LRRK2: variants seen among roughly 807,000 people sequenced by gnomAD.
LRRK2 encodes the protein leucine-rich repeat serine/threonine-protein kinase 2.
LRRK2 carries 203 observed loss-of-function variants against 302.6 expected under a neutral mutation model. The observed-to-expected ratio is 0.67, with a 90% CI of 0.60 to 0.75. The LOEUF (loss-of-function observed/expected upper bound fraction) is 0.75, where lower values mean the gene tolerates loss of function less well. Ranked by LOEUF, LRRK2 falls within the 30% of genes least tolerant of loss-of-function variation. The pLI, the probability that LRRK2 is intolerant of heterozygous loss-of-function variation, is 0.00. For missense variants in LRRK2, 2,830 were observed against 2,951.0 expected (o/e 0.96, Z 0.95); for synonymous variants, 1,066 against 1,031.9 (o/e 1.03, Z -0.63).
Position 40,367,753 on chromosome 12 carries a change from A to T in LRRK2, c.7572A>T (p.Thr2524=). 1 of 1,605,508 alleles carries T rather than the reference A, an allele frequency of 6.2e-7. No homozygotes were observed. The highest frequency in any genetic ancestry group is 1.3e-5 in the African/African-American group (1 of 74,722). ...RKELAEKMRR[T]SVE is the part of the protein sequence containing the mutation. ...AATTAGCTGAAAAAATGAGACGAAC[A>T]TCTGTTGAGTAAGAGAGAAATAGGA... The change falls in exon 51 of 51, where the codon ACA becomes ACT. Residue 2524 remains threonine (T), a synonymous_variant. Transcript: ENST00000298910.
chr12:40,337,053 G>A (rs1312174159), intron 40 of LRRK2, among the ~76,000 whole-genome samples: 2 of 152,120 alleles, frequency 1.3e-5, no homozygotes, highest in Admixed American at 1.3e-4. Context: ...AAAATAATTT[G>A]CCTAATTTGT....
Position 40,305,767 on chromosome 12 carries a change from C to G in LRRK2, c.3778-18C>G. 6.2e-7 allele frequency: 1 copy of G among 1,610,816 alleles called. No homozygotes were observed. Among genetic ancestry groups the G allele is most frequent in the Non-Finnish European group, 8.5e-7 (1 of 1,178,112 alleles). The stretch of plus-strand genomic sequence containing the variant: ...TTCCTTCCCACCAACAGGTTTTGCC[C>G]TTTTTTTTCCCATTAAGATTCCTCC... On this transcript the variant is annotated intron_variant, in intron 27 of 50. Coordinates refer to ENST00000298910, the MANE Select transcript of LRRK2 (RefSeq NM_198578.4).
At chr12:40,241,436 G>A (rs1037109828) in intron 6 of LRRK2, among the ~76,000 whole-genome samples, 7 of 143,468 alleles carry the variant, frequency 4.9e-5, no homozygotes, top group African/African-American at 1.7e-4. Context: ...ATTGCTATTA[G>A]GCTAAAATAA....
Position 40,235,794 on chromosome 12 carries a change from T to TC in LRRK2, c.436+80_436+81insC, listed in dbSNP as rs377568728. On this transcript the variant is annotated intron_variant, in intron 4 of 50. Transcript: ENST00000298910. ...CATTAAGTAAATGTGTGTGTGTGTG[T>TC]TTTTTTTTTTTTTTTTTTGAAGATC... The TC allele has an allele frequency of 3.6e-5, 8 of 220,468 alleles. No homozygotes were observed. In the South Asian group the frequency reaches 4.2e-4, roughly 12 times the overall value. The allele number at this position is 220,468 out of a possible 1,614,324, so 13.7% of individuals were successfully genotyped here.
chr12:40,247,640 A>T (rs1292405413), intron 7 of LRRK2, among the ~76,000 whole-genome samples: 2 of 90,100 alleles, frequency 2.2e-5, no homozygotes, highest in African/African-American at 6.8e-5. Context: ...ATACATATTT[A>T]TACACAGATG....
chr12:40,361,190 C>T (rs17491736), intron 47 of LRRK2, among the ~76,000 whole-genome samples: 9 of 151,920 alleles, frequency 5.9e-5, no homozygotes, highest in East Asian at 3.9e-4. Context: ...AGATATACTG[C>T]GGAGTGCAGT....
chr12:40,259,703 T>C (rs1942685369), intron 13 of LRRK2, 99 bp downstream of exon 13: 4 of 1,450,716 alleles, frequency 2.8e-6, no homozygotes, highest in East Asian at 2.3e-5. Flanking sequence ...AAAAGACTAG[T>C]TTCTGTCGAC....
intron 3 of LRRK2, among the ~76,000 whole-genome samples, chr12:40,233,333 A>G (rs1941290926): frequency 6.6e-6 from 1 of 152,186 alleles, no homozygotes; most frequent in East Asian, 1.9e-4. Flanking sequence ...TTCCAATGGT[A>G]TATGGTTTAT....
intron 14 of LRRK2, among the ~76,000 whole-genome samples, chr12:40,271,871 A>G (rs2136588101): frequency 6.6e-6 from 1 of 152,306 alleles, no homozygotes; most frequent in East Asian, 1.9e-4. Flanking sequence ...ATTAGTCATC[A>G]TTAACCTGTA....
chr12:40,285,100 TC>T (rs1203021091), intron 19 of LRRK2, among the ~76,000 whole-genome samples: 1 of 152,128 alleles, frequency 6.6e-6, no homozygotes, highest in African/African-American at 2.4e-5. Context: ...TTACTTCCAG[TC>T]TTTTTCCAGT....
intron 9 of LRRK2, 24 bp from the exon 10 acceptor site, chr12:40,251,441 T>C: frequency 6.2e-7 from 1 of 1,611,832 alleles, no homozygotes; most frequent in South Asian, 1.1e-5. Flanking sequence ...TTTTGACAGA[T>C]TTCTTTTTTC....
chr12:40,353,431 C>T (rs1218693011), intron 44 of LRRK2, among the ~76,000 whole-genome samples: 6 of 151,200 alleles, frequency 4.0e-5, no homozygotes, highest in Middle Eastern at 3.5e-3. Context: ...AATGGGCGGC[C>T]GGGCAGAGCC....
Position 40,359,406 on chromosome 12 carries a change from C to A in LRRK2, c.6990C>A (p.Phe2330Leu). 1 of 1,613,282 alleles carries A rather than the reference C, an allele frequency of 6.2e-7. No homozygotes were observed. The highest frequency in any genetic ancestry group is 1.7e-5 in the Admixed American group (1 of 59,972). ...GTKIFSFSND[F>L]TIQKLIETRT... The stretch of plus-strand genomic sequence containing the variant: ...AGATTTTCTCCTTTTCTAATGATTT[C>A]ACCATTCAGAAACTCATTGAGACAA... The change falls in exon 47 of 51, where the codon TTC becomes TTA. Residue 2330 changes from phenylalanine (F) to leucine (L), a missense_variant. Phe to Leu is a conservative substitution (Grantham distance 22). Transcript: ENST00000298910.
In LRRK2 at chr12:40,252,929, G is replaced by A. The variant is rs1479574336; in HGVS notation, c.1201G>A (p.Val401Met). The A allele has an allele frequency of 4.3e-6, 7 of 1,613,204 alleles. No individual in the cohort carries two copies. The Admixed American group carries it at 1.0e-4, about 23-fold the overall frequency. Reference sequence around the variant, plus strand: ...TGAAAGTTTCCCAGCTCATAGGGAAGTGATGCTCTCCATGCTGATGCATTC... The same window carrying A: ...TGAAAGTTTCCCAGCTCATAGGGAAATGATGCTCTCCATGCTGATGCATTC... ...EDGHFPAHREVMLSMLMHSSS... is the reference protein window; with the variant it reads ...EDGHFPAHREMMLSMLMHSSS... The change falls in exon 11 of 51, where the codon GTG (valine) becomes ATG (methionine). Residue 401 changes from valine (V) to methionine (M), a missense_variant. This residue lies in a region of LRRK2 where 2,121 missense variants were observed against 2,148.0 expected (regional missense o/e 0.99). Transcript: ENST00000298910.
intron 11 of LRRK2, among the ~76,000 whole-genome samples, chr12:40,256,078 G>T (rs542623505): frequency 6.6e-6 from 1 of 152,052 alleles, no homozygotes; most frequent in Non-Finnish European, 1.5e-5. Context: ...TTTTTATAGC[G>T]GCTTCAAGAC....
In LRRK2 at chr12:40,295,631, A is replaced by G; in HGVS notation, c.3083A>G (p.Gln1028Arg). 1 of 1,613,764 alleles carries G rather than the reference A, an allele frequency of 6.2e-7. No individual in the cohort carries two copies. Among genetic ancestry groups the G allele is most frequent in the African/African-American group, 1.3e-5 (1 of 75,058 alleles). The change falls in exon 23 of 51, where the codon CAA becomes CGA. Residue 1028 changes from glutamine to arginine, a missense_variant. This residue lies in a region of LRRK2 where 2,121 missense variants were observed against 2,148.0 expected (regional missense o/e 0.99). Coordinates refer to ENST00000298910, the MANE Select transcript of LRRK2 (RefSeq NM_198578.4). The part of the protein sequence containing the change: ...LHQNALTSFP[Q>R]QLCETLKSLT... ...CAGAATGCACTCACGAGCTTTCCAC[A>G]ACAGCTATGTGAAGTAAATTTAATT...
At chr12:40,287,189 C>T (rs187278523) in intron 19 of LRRK2, among the ~76,000 whole-genome samples, 162 bp from the exon 20 acceptor site, 1 of 151,960 alleles carries the variant, frequency 6.6e-6, no homozygotes, top group East Asian at 1.9e-4. Flanking sequence ...ATATGATCTG[C>T]CACCTGTTAA....
intron 13 of LRRK2, among the ~76,000 whole-genome samples, chr12:40,262,697 T>G (rs1942828985): frequency 6.6e-6 from 1 of 152,230 alleles, no homozygotes; most frequent in Non-Finnish European, 1.5e-5. Context: ...GAATGTTCAT[T>G]TGGTCTTAAT....
At chr12:40,343,736 CTTAT>C (rs1946116104) in intron 41 of LRRK2, among the ~76,000 whole-genome samples, 1 of 152,062 alleles carries the variant, frequency 6.6e-6, no homozygotes, top group South Asian at 2.1e-4. Context: ...GGAAATTATA[CTTAT>C]TTTTTATTCA....
Sources: gnomAD v4.1 joint callset for allele counts (sites outside exome capture counted in the v4.1 genomes callset) on GRCh38, gnomAD v4.1.1 for gene constraint, gnomAD v4.1.1 regional missense constraint, MANE v1.5 for transcripts, NCBI Gene and HGNC (gene_info 2026-07-23, HGNC 2026-07-21) for gene names.